The following FSIP2 variants were observed in gnomAD, a reference collection of about 807,000 sequenced individuals.
FSIP2 encodes fibrous sheath-interacting protein 2.
Under a neutral mutation model 510.5 loss-of-function variants are expected in FSIP2, and 367 were observed. The ratio of observed to expected loss-of-function variants is 0.72; its 90% CI spans 0.66 to 0.78. FSIP2 has a LOEUF of 0.78. Among genes scored for constraint, FSIP2 ranks in the 30% least tolerant of loss-of-function variants. The pLI is 0.00. For synonymous variants in FSIP2, 2,601 were observed against 2,732.2 expected, an observed-to-expected ratio of 0.95 and a Z score of 1.50; for missense variants, 7,594 against 7,901.7, an observed-to-expected ratio of 0.96 and a Z score of 1.48.
At chr2:185,815,244 C>T (rs1316493965) in intron 18 of FSIP2, 127 bp from the exon 19 acceptor site, 1 of 592,138 alleles carries the variant, frequency 1.7e-6, no homozygotes, top group Non-Finnish European at 3.0e-6. Context: ...GGGCCCACAC[C>T]CATCTTTTAA....
chr2:185,788,995 A>AATC lies in FSIP2; in HGVS notation c.1860_1862dup (p.Ser621dup), dbSNP rs1298983501. On this transcript the variant is annotated inframe_insertion, in exon 16 of 23. Transcript: ENST00000424728. Reference sequence around the variant, plus strand: ...GGGAAAACATGTCACATAAAAGGACAATCTATAATCTCTAAACATAAATAT... The same window carrying AATC: ...GGGAAAACATGTCACATAAAAGGACAATCATCTATAATCTCTAAACATAAATAT... The AATC allele has an allele frequency of 6.5e-7, 1 of 1,534,144 alleles. No homozygotes were observed. The highest frequency in any genetic ancestry group is 8.7e-7 in the Non-Finnish European group (1 of 1,145,560).
intron 17 of FSIP2, 70 bp downstream of exon 17, chr2:185,809,203 C>T (rs1693670929): frequency 1.4e-6 from 2 of 1,479,202 alleles, no homozygotes; most frequent in African/African-American, 1.4e-5. Flanking sequence ...TTTCCTTCCT[C>T]AAATAAGTAT....
chr2:185,769,558 C>T (rs1692565693), intron 13 of FSIP2, among the ~76,000 whole-genome samples: 1 of 151,870 alleles, frequency 6.6e-6, no homozygotes, highest in South Asian at 2.1e-4. Flanking sequence ...ATATTTTTTC[C>T]CATTTTCTAG....
intron 13 of FSIP2, among the ~76,000 whole-genome samples, chr2:185,767,166 T>G (rs1443542078): frequency 6.4e-5 from 9 of 141,314 alleles, no homozygotes; most frequent in Non-Finnish European, 1.2e-4. Context: ...TGGGGACTGT[T>G]GTGGGGTGGG....
chr2:185,752,307 T>C (rs924864363), intron 7 of FSIP2, among the ~76,000 whole-genome samples: 8 of 151,264 alleles, frequency 5.3e-5, no homozygotes, highest in African/African-American at 1.7e-4. Flanking sequence ...GTCTTTAAAC[T>C]TTATTTTTCT....
Position 185,832,983 on chromosome 2 carries a change from C to T in FSIP2, c.20588-107C>T, listed in dbSNP as rs7594991. The T allele has an allele frequency of 5.8e-3, 5,013 of 863,784 alleles. 185 individuals are homozygous for T. The African/African-American group carries it at 0.076, about 13-fold the overall frequency. 53.5% of individuals were successfully genotyped at this position (863,784 alleles called of 1,614,324 possible). A position where few individuals can be genotyped will look rare whatever the true frequency, so the allele number is the denominator to read the frequency against. On this transcript the variant is annotated intron_variant, in intron 22 of 22. Coordinates refer to ENST00000424728, the MANE Select transcript of FSIP2 (RefSeq NM_173651.4). The stretch of plus-strand genomic sequence containing the variant: ...TGCCATGAGAGTCAGAAAGTCTGGA[C>T]CCTATTACCAGCTGGGCCACCTTTT...
chr2:185,762,531 A>C (rs1203261935), intron 11 of FSIP2, among the ~76,000 whole-genome samples: 3 of 151,416 alleles, frequency 2.0e-5, no homozygotes, highest in Non-Finnish European at 4.4e-5. Flanking sequence ...GATCACCTCA[A>C]ATTTAATACA....
intron 13 of FSIP2, among the ~76,000 whole-genome samples, chr2:185,775,827 C>A (rs1175764069): frequency 6.6e-6 from 1 of 152,096 alleles, no homozygotes; most frequent in Non-Finnish European, 1.5e-5. Context: ...CCATACTCAG[C>A]TAATTTTTGT....
Position 185,790,789 on chromosome 2 carries a change from A to C in FSIP2, c.3653A>C (p.Tyr1218Ser). The change falls in exon 16 of 23, where the codon TAC becomes TCC. Residue 1218 changes from tyrosine to serine, a missense_variant. Tyr to Ser is a moderately radical substitution (Grantham distance 144). Coordinates refer to ENST00000424728, the MANE Select transcript of FSIP2 (RefSeq NM_173651.4). ...EHIVKEAPNKYPLKTWFDSEK... is the reference protein window; with the variant it reads ...EHIVKEAPNKSPLKTWFDSEK... ...ATAGTCAAAGAAGCACCAAATAAAT[A>C]CCCATTAAAAACATGGTTTGACAGT... 2 of 1,532,356 alleles carry C rather than the reference A, an allele frequency of 1.3e-6. No homozygotes were observed. The highest frequency in any genetic ancestry group is 1.7e-6 in the Non-Finnish European group (2 of 1,144,560). 94.9% of individuals were successfully genotyped at this position (1,532,356 alleles called of 1,614,324 possible).
intron 18 of FSIP2, among the ~76,000 whole-genome samples, chr2:185,814,472 C>A (rs1693795927): frequency 6.6e-6 from 1 of 152,024 alleles, no homozygotes; most frequent in African/African-American, 2.4e-5. Context: ...GGGTTTGAAT[C>A]CTAACTCTCA....
chr2:185,788,928 C>T lies in FSIP2; in HGVS notation c.1792C>T (p.Pro598Ser), dbSNP rs762635982. ...CACGTCAGTAAGGAGACCAACCACA[C>T]CTATAAAACCTCCTCCTGCACATGT... ...VDTSVRRPTT[P>S]IKPPPAHVEK... Residue 598 changes from proline to serine, a missense_variant, in exon 16 of 23, where the codon CCT (proline) becomes TCT (serine). Pro to Ser is a moderately conservative substitution (Grantham distance 74). Coordinates refer to ENST00000424728, the MANE Select transcript of FSIP2 (RefSeq NM_173651.4). 85 of 1,534,896 alleles carry T rather than the reference C, an allele frequency of 5.5e-5. 1 individual carries two copies. In the Middle Eastern group the frequency reaches 2.0e-3, roughly 36 times the overall value.
In FSIP2 at chr2:185,804,251, C is replaced by T; in HGVS notation, c.14945C>T (p.Thr4982Ile). 1 of 1,528,842 alleles carries T rather than the reference C, an allele frequency of 6.5e-7. No homozygotes were observed. The highest frequency in any genetic ancestry group is 8.7e-7 in the Non-Finnish European group (1 of 1,143,290). 94.7% of individuals were successfully genotyped at this position (1,528,842 alleles called of 1,614,324 possible). The change falls in exon 17 of 23, where the codon ACC (threonine) becomes ATC (isoleucine). Residue 4982 changes from threonine (T) to isoleucine (I), a missense_variant. Coordinates refer to ENST00000424728, the MANE Select transcript of FSIP2 (RefSeq NM_173651.4). ...CCAGATAGAGTGAAACTGAAACTTA[C>T]CAGGATTGTTACAACATTGGTAAAT... ...ENPDRVKLKL[T>I]RIVTTLVNSI...
chr2:185,757,974 A>G (rs748916730), intron 9 of FSIP2, among the ~76,000 whole-genome samples: 1 of 151,072 alleles, frequency 6.6e-6, no homozygotes, highest in Non-Finnish European at 1.5e-5. Flanking sequence ...ATAATCCCAG[A>G]TTACCTCTGG....
chr2:185,764,451 C>A, intron 12 of FSIP2, 51 bp from the exon 13 acceptor site: 1 of 1,171,262 alleles, frequency 8.5e-7, no homozygotes, highest in Non-Finnish European at 1.2e-6. Flanking sequence ...TGTTTGAGTC[C>A]TAAAATTTTT....
intron 20 of FSIP2, among the ~76,000 whole-genome samples, chr2:185,825,621 A>G (rs1237298316): frequency 6.6e-6 from 1 of 151,786 alleles, no homozygotes; most frequent in Non-Finnish European, 1.5e-5. Context: ...CTGCCTCTAA[A>G]TTCAGTGTTT....
In FSIP2 at chr2:185,770,916, C is replaced by T. The variant is rs551225606; in HGVS notation, c.1411+6351C>T. On this transcript the variant is annotated intron_variant, in intron 13 of 22. Transcript: ENST00000424728. Reference sequence around the variant, plus strand: ...ACAGGCATTGGGTAGAATTTCCATTCTAAGAGGGAGAAAACAGTCAAAATA... The same window carrying T: ...ACAGGCATTGGGTAGAATTTCCATTTTAAGAGGGAGAAAACAGTCAAAATA... 5.5e-4 allele frequency among the ~76,000 whole-genome samples: 83 copies of T among 152,270 alleles called. No homozygotes were observed. In the South Asian group the frequency reaches 6.4e-3, roughly 12 times the overall value.
chr2:185,766,613 A>G (rs1404664118), intron 13 of FSIP2: 3 of 150,208 alleles, frequency 2.0e-5, no homozygotes, highest in East Asian at 4.0e-4. Flanking sequence ...CAAAACCACA[A>G]TGAGATACCA....
Position 185,794,421 on chromosome 2 carries a change from T to C in FSIP2, c.7285T>C (p.Leu2429=). 6.6e-7 allele frequency: 1 copy of C among 1,516,186 alleles called. No individual in the cohort carries two copies. Among genetic ancestry groups the C allele is most frequent in the South Asian group, 1.3e-5 (1 of 79,782 alleles). 93.9% of individuals were successfully genotyped at this position (1,516,186 alleles called of 1,614,324 possible). The change falls in exon 16 of 23, where the codon TTG becomes CTG. Residue 2429 remains leucine, a synonymous_variant. Coordinates refer to ENST00000424728, the MANE Select transcript of FSIP2 (RefSeq NM_173651.4). The part of the protein sequence containing the change: ...FSQLALSNEI[L]LGHKEKERST... ...ACAATTAGCTTTATCAAATGAAATA[T>C]TGCTGGGTCACAAAGAGAAGGAAAG... is the stretch of plus-strand genomic sequence containing the variant.
intron 9 of FSIP2, 34 bp downstream of exon 9, chr2:185,756,312 C>T (rs1692245530): frequency 1.3e-6 from 1 of 766,190 alleles, no homozygotes; most frequent in Non-Finnish European, 2.0e-6. Flanking sequence ...ACACTAGATA[C>T]TAAACAATAA....
Sources: gnomAD v4.1 joint callset for allele counts (sites outside exome capture counted in the v4.1 genomes callset) on GRCh38, gnomAD v4.1.1 for gene constraint, MANE v1.5 for transcripts, NCBI Gene and HGNC (gene_info 2026-07-23, HGNC 2026-07-21) for gene names.